The following C10orf105 variants were observed in gnomAD, a reference collection of about 807,000 sequenced individuals.
C10orf105 encodes the protein uncharacterized protein C10orf105.
Under a neutral mutation model 0.6 loss-of-function variants are expected in C10orf105, and 2 were observed. The observed-to-expected ratio is 3.18, with a 90% CI of 1.30 to 10.01. The LOEUF (loss-of-function observed/expected upper bound fraction) is 10.01. Among genes scored for constraint, C10orf105 ranks in the 30% most tolerant of loss-of-function variants. C10orf105 has a pLI of 0.04. For missense variants in C10orf105, 209 were observed against 191.4 expected (o/e 1.09, Z -0.54); for synonymous variants, 95 against 82.4 (o/e 1.15, Z -0.83).
exon 1 of C10orf105, chr10:71,737,775 C>T (rs1039088909): frequency 2.1e-6 from 1 of 469,658 alleles, no homozygotes. Flanking sequence ...GACTGGAGGC[C>T]TCACCCGCGG....
chr10:71,724,131 G>C, upstream of C10orf105: 1 of 1,552,514 alleles, frequency 6.4e-7, no homozygotes, highest in African/African-American at 1.4e-5. Context: ...CTAGGATGGG[G>C]GGCGGTCCTC....
chr10:71,717,686 G>A lies in C10orf105; in HGVS notation c.-5-1344C>T, dbSNP rs572347784. The A allele has an allele frequency of 5.5e-4, 84 of 152,364 alleles. 1 individual carries two copies. The highest frequency in any genetic ancestry group is 1.9e-3 in the African/African-American group (81 of 41,586). The allele number at this position is 152,364 out of a possible 1,614,324, so 9.4% of individuals were successfully genotyped here. A position where few individuals can be genotyped will look rare whatever the true frequency, so the allele number is the denominator to read the frequency against. ...GCTGGGCCCTCTCAAGGAAGTGGAG[G>A]GGCCTCAGCCCAGAATGGTGCTGTC... is the stretch of plus-strand genomic sequence containing the variant. On this transcript the variant is annotated intron_variant, in intron 1 of 1. Coordinates refer to ENST00000441508, the MANE Select transcript of C10orf105 (RefSeq NM_001164375.3).
intron 1 of C10orf105, among the ~76,000 whole-genome samples, chr10:71,730,299 G>A (rs1012412430): frequency 1.3e-5 from 2 of 152,236 alleles, no homozygotes; most frequent in African/African-American, 4.8e-5. Flanking sequence ...GCCAGGTGCT[G>A]TGCAAGGTGG....
chr10:71,733,497 C>G (rs183294084), intron 1 of C10orf105, among the ~76,000 whole-genome samples: 168 of 152,328 alleles, frequency 1.1e-3, no homozygotes, highest in African/African-American at 3.8e-3. Context: ...CAACCGAGGA[C>G]CCCACCAAGA....
At chr10:71,720,539 C>T (rs1326504361), upstream of C10orf105, among the ~76,000 whole-genome samples, 1 of 152,162 alleles carries the variant, frequency 6.6e-6, no homozygotes, top group African/African-American at 2.4e-5. Flanking sequence ...TTGGCAGCTT[C>T]CCCACCAGGG....
chr10:71,732,489 A>C, intron 1 of C10orf105: 1 of 1,454,860 alleles, frequency 6.9e-7, no homozygotes, highest in Non-Finnish European at 9.2e-7. Flanking sequence ...TGAGATGGCC[A>C]AGTGTGGTGT....
rs899289924 is a variant in C10orf105, at chr10:71,714,948, A to C, written c.*988T>G. The C allele has an allele frequency of 1.4e-4, 22 of 152,240 alleles. No individual in the cohort carries two copies. Among genetic ancestry groups the C allele is most frequent in the African/African-American group, 5.3e-4 (22 of 41,444 alleles). The allele number at this position is 152,240 out of a possible 1,614,324, so 9.4% of individuals were successfully genotyped here. On this transcript the variant is annotated 3_prime_UTR_variant, in exon 2 of 2. Transcript: ENST00000441508. ...AGGTCAAGGGTTTGGGATTCTGAGA[A>C]GCCCATCCTGGGGTGGGACTGCTTT... is the stretch of plus-strand genomic sequence containing the variant.
At chr10:71,732,288 C>A (rs1303514413) in intron 1 of C10orf105, 3 of 1,612,890 alleles carry the variant, frequency 1.9e-6, no homozygotes, top group Non-Finnish European at 1.7e-6. Flanking sequence ...AGGCCTACTC[C>A]ATCGACAACC....
chr10:71,723,176 A>G (rs1327780996), upstream of C10orf105, among the ~76,000 whole-genome samples: 1 of 152,182 alleles, frequency 6.6e-6, no homozygotes, highest in African/African-American at 2.4e-5. Context: ...GCAATTCACC[A>G]CAGATCCAAC....
At chr10:71,720,420 A>AACACACACACACACACAC (rs57346519), upstream of C10orf105, among the ~76,000 whole-genome samples, 105 of 145,854 alleles carry the variant, frequency 7.2e-4, 1 homozygote, top group African/African-American at 2.5e-3. Flanking sequence ...CTCTTTCCAA[A>AACACACACACACACACAC]ACACACACAC....
At chr10:71,734,661 G>A (rs1564765554) in intron 1 of C10orf105, 1 of 1,451,220 alleles carries the variant, frequency 6.9e-7, no homozygotes. Flanking sequence ...TACAGAAGGT[G>A]AGTAGCCTGT....
rs541674784 is a variant in C10orf105 at position 71,712,580 on chromosome 10, C to T, written c.*3356G>A. 87 of 1,506,790 alleles carry T rather than the reference C, an allele frequency of 5.8e-5. No homozygotes were observed. Among genetic ancestry groups the T allele is most frequent in the Admixed American group, 1.1e-4 (6 of 54,600 alleles). The allele number at this position is 1,506,790 out of a possible 1,614,324, so 93.3% of individuals were successfully genotyped here. A position where few individuals can be genotyped will look rare whatever the true frequency, so the allele number is the denominator to read the frequency against. The stretch of plus-strand genomic sequence containing the variant: ...GGGCGGAACAGGGCACCTCTCTGGC[C>T]GGTGCCCGGGAGTGTGCAAAGTCAC... On this transcript the variant is annotated 3_prime_UTR_variant, in exon 2 of 2. Coordinates refer to ENST00000441508, the MANE Select transcript of C10orf105 (RefSeq NM_001164375.3).
upstream of C10orf105, among the ~76,000 whole-genome samples, chr10:71,722,501 G>T (rs774534795): frequency 6.6e-6 from 1 of 152,196 alleles, no homozygotes; most frequent in African/African-American, 2.4e-5. Context: ...CTCCTAAGTC[G>T]TTCACATATT....
chr10:71,722,171 T>A (rs1268354240), upstream of C10orf105, among the ~76,000 whole-genome samples: 1 of 152,218 alleles, frequency 6.6e-6, no homozygotes, highest in African/African-American at 2.4e-5. Context: ...CCAGACATGG[T>A]GGCTCATGCC....
intron 1 of C10orf105, chr10:71,737,602 C>T: frequency 2.2e-6 from 1 of 447,446 alleles, no homozygotes; most frequent in Non-Finnish European, 4.5e-6. Flanking sequence ...CTGAACCCCA[C>T]ATGCAGGGAA....
rs1048049423 is a variant in C10orf105 at position 71,716,347 on chromosome 10, A to C, written c.-5-5T>G. 1.3e-5 allele frequency: 19 copies of C among 1,465,028 alleles called. No homozygotes were observed. The highest frequency in any genetic ancestry group is 1.7e-5 in the Non-Finnish European group (19 of 1,103,948). 90.8% of individuals were successfully genotyped at this position (1,465,028 alleles called of 1,614,324 possible). A position where few individuals can be genotyped will look rare whatever the true frequency, so the allele number is the denominator to read the frequency against. ...GGCCCTCTGTGCTCATGGCTCCTGC[A>C]ACAGCAACAAGACAGAAGCTCAAAG... On this transcript the variant is annotated splice_region_variant and splice_polypyrimidine_tract_variant and intron_variant, in intron 1 of 1. Coordinates refer to ENST00000441508, the MANE Select transcript of C10orf105 (RefSeq NM_001164375.3).
chr10:71,734,524 A>T (rs1839500097), intron 1 of C10orf105: 1 of 1,600,804 alleles, frequency 6.2e-7, no homozygotes, highest in African/African-American at 1.3e-5. Flanking sequence ...CTAGGATGAG[A>T]CCTCAGGCAG....
intron 1 of C10orf105, among the ~76,000 whole-genome samples, chr10:71,730,116 C>T (rs1020824781): frequency 8.5e-5 from 13 of 152,156 alleles, no homozygotes; most frequent in Admixed American, 2.0e-4. Flanking sequence ...GGATTACAGG[C>T]GTGAGCCACC....
rs1866057961 is a variant in C10orf105, at chr10:71,713,196, A to C, written c.*2740T>G. 1.3e-6 allele frequency: 1 copy of C among 779,220 alleles called. No individual in the cohort carries two copies. The highest frequency in any genetic ancestry group is 1.7e-5 in the African/African-American group (1 of 59,162). The allele number at this position is 779,220 out of a possible 1,614,324, so 48.3% of individuals were successfully genotyped here. On this transcript the variant is annotated 3_prime_UTR_variant, in exon 2 of 2. Coordinates refer to ENST00000441508, the MANE Select transcript of C10orf105 (RefSeq NM_001164375.3). Reference sequence around the variant, plus strand: ...CAAGGCCCAGAACAGAGCTGCTTTCACAGAGCCCTTGGCCGAGGCTCCCCT... The same window carrying C: ...CAAGGCCCAGAACAGAGCTGCTTTCCCAGAGCCCTTGGCCGAGGCTCCCCT...
Sources: gnomAD v4.1 joint callset for allele counts (sites outside exome capture counted in the v4.1 genomes callset) on GRCh38, gnomAD v4.1.1 for gene constraint, MANE v1.5 for transcripts, NCBI Gene and HGNC (gene_info 2026-07-23, HGNC 2026-07-21) for gene names.